Variants in FILIP1L observed in about 807,000 individuals in gnomAD.
FILIP1L encodes the protein filamin A interacting protein 1 like.
A neutral mutation model predicts 96.6 loss-of-function variants in FILIP1L; 55 were observed. The ratio of observed to expected loss-of-function variants is 0.57; its 90% confidence interval spans 0.46 to 0.71. The LOEUF is 0.71. Among genes scored for constraint, FILIP1L ranks in the 30% least tolerant of loss-of-function variants. The pLI, the probability that FILIP1L is intolerant of heterozygous loss-of-function variation, is 0.00. For synonymous variants in FILIP1L, 467 were observed against 473.9 expected, an observed-to-expected ratio of 0.99 and a Z score of 0.19; for missense variants, 1,304 against 1,321.2, an observed-to-expected ratio of 0.99 and a Z score of 0.20.
At chr3:99,911,448 C>T (rs1706784493) in intron 4 of FILIP1L, among the ~76,000 whole-genome samples, 2 of 151,890 alleles carry the variant, frequency 1.3e-5, no homozygotes, top group African/African-American at 4.8e-5. Flanking sequence ...AACAACTTGC[C>T]AGTGGTGGGT....
At chr3:99,992,933 A>G (rs753308514) in intron 1 of FILIP1L, among the ~76,000 whole-genome samples, 1 of 151,858 alleles carries the variant, frequency 6.6e-6, no homozygotes, top group Non-Finnish European at 1.5e-5. Flanking sequence ...TCATTTCCTA[A>G]TGTATATTTT....
chr3:99,962,636 A>G (rs1461150053), intron 1 of FILIP1L, among the ~76,000 whole-genome samples: 1 of 152,250 alleles, frequency 6.6e-6, no homozygotes, highest in Non-Finnish European at 1.5e-5. Context: ...TAACAACAAC[A>G]ACAGCAACAA....
rs1334281601 is a variant in FILIP1L, at chr3:99,849,950, C to T, written c.1726G>A (p.Glu576Lys). 1.2e-6 allele frequency: 2 copies of T among 1,612,816 alleles called. No homozygotes were observed. Among genetic ancestry groups the T allele is most frequent in the African/African-American group, 2.7e-5 (2 of 74,834 alleles). ...DLKNKLKAEE[E>K]KGNDLLSRVN... is the part of the protein sequence containing the mutation. ...CTTGACAGGAGATCATTTCCTTTCT[C>T]TTCTTCCGCTTTCAATTTGTTTTTT... is the stretch of plus-strand genomic sequence containing the variant. Residue 576 changes from glutamate (E) to lysine (K), a missense_variant, in exon 5 of 6, where the codon GAG becomes AAG. Transcript: ENST00000477258.
At chr3:99,969,110 C>G (rs561868737) in intron 1 of FILIP1L, among the ~76,000 whole-genome samples, 2 of 151,960 alleles carry the variant, frequency 1.3e-5, no homozygotes, top group South Asian at 4.2e-4. Context: ...AAAAGGGGGG[C>G]CATGTGTGGA....
intron 1 of FILIP1L, among the ~76,000 whole-genome samples, chr3:100,010,794 T>G (rs953551420): frequency 6.8e-6 from 1 of 146,350 alleles, no homozygotes; most frequent in Non-Finnish European, 1.5e-5. Context: ...TTTTTTTTTT[T>G]TTTTTGTATT....
At chr3:99,973,571 A>C (rs908962638) in intron 1 of FILIP1L, among the ~76,000 whole-genome samples, 1 of 152,216 alleles carries the variant, frequency 6.6e-6, no homozygotes, top group African/African-American at 2.4e-5. Context: ...ATTTCATGAA[A>C]GTTATCAACA....
At chr3:100,032,261 G>T (rs577814531) in intron 1 of FILIP1L, among the ~76,000 whole-genome samples, 2 of 152,286 alleles carry the variant, frequency 1.3e-5, no homozygotes, top group African/African-American at 4.8e-5. Flanking sequence ...GTTGGCCCTT[G>T]ATTCTGTTTT....
intron 1 of FILIP1L, among the ~76,000 whole-genome samples, chr3:100,091,494 G>T (rs2066109273): frequency 6.6e-6 from 1 of 152,212 alleles, no homozygotes. Flanking sequence ...GATGCATGCT[G>T]ATAAATGCTT....
At chr3:99,888,084 G>T (rs2107611022) in intron 4 of FILIP1L, among the ~76,000 whole-genome samples, 1 of 152,222 alleles carries the variant, frequency 6.6e-6, no homozygotes, top group Non-Finnish European at 1.5e-5. Context: ...ACTATCTTCG[G>T]ACAATTGGTG....
rs150747691 is a variant in FILIP1L at position 99,947,285 on chromosome 3, TC to T, written c.-10-16256del. 8.8e-3 allele frequency among the ~76,000 whole-genome samples: 1,333 copies of T among 152,334 alleles called. 20 individuals carry two copies. The highest frequency in any genetic ancestry group is 0.027 in the African/African-American group (1,102 of 41,570). On this transcript the variant is annotated intron_variant, in intron 1 of 5. Coordinates refer to ENST00000477258, the MANE Select transcript of FILIP1L (RefSeq NM_001387850.1). ...GTATAGTTTCCCATAGACTTTCTTA[TC>T]TTTGTATCTGTTATACTATACATAT...
chr3:100,047,975 A>G (rs2065304851), intron 1 of FILIP1L, among the ~76,000 whole-genome samples: 1 of 152,172 alleles, frequency 6.6e-6, no homozygotes, highest in Admixed American at 6.5e-5. Flanking sequence ...TCCCTCCTAT[A>G]GTGTAAATAT....
At chr3:100,055,418 G>A (rs562785381) in intron 1 of FILIP1L, among the ~76,000 whole-genome samples, 1 of 152,172 alleles carries the variant, frequency 6.6e-6, no homozygotes, top group Non-Finnish European at 1.5e-5. Flanking sequence ...AAATTCCTAG[G>A]ACATGTTATC....
At chr3:100,078,632 T>C (rs1266560553) in intron 1 of FILIP1L, among the ~76,000 whole-genome samples, 1 of 152,106 alleles carries the variant, frequency 6.6e-6, no homozygotes, top group African/African-American at 2.4e-5. Flanking sequence ...CTCGCTGGCC[T>C]GTAATCCCAG....
intron 4 of FILIP1L, among the ~76,000 whole-genome samples, chr3:99,864,256 C>G (rs1273998063): frequency 6.6e-6 from 1 of 152,064 alleles, no homozygotes; most frequent in East Asian, 1.9e-4. Flanking sequence ...CAGATTAATA[C>G]TATGCAAGGC....
intron 1 of FILIP1L, among the ~76,000 whole-genome samples, chr3:99,956,677 C>G (rs1049976939): frequency 1.3e-5 from 2 of 152,190 alleles, no homozygotes; most frequent in African/African-American, 4.8e-5. Context: ...TCATAAGCAT[C>G]GCCTCTTAAA....
chr3:99,933,379 A>G (rs181841494), intron 1 of FILIP1L, among the ~76,000 whole-genome samples: 5 of 152,324 alleles, frequency 3.3e-5, no homozygotes. Context: ...AAGGCATAGA[A>G]GGGATATTTT....
At chr3:100,072,795 G>T (rs970754344) in intron 1 of FILIP1L, among the ~76,000 whole-genome samples, 6 of 152,150 alleles carry the variant, frequency 3.9e-5, no homozygotes, top group African/African-American at 1.4e-4. Context: ...AAGAACAGAG[G>T]TTCTCAAATT....
At position 99,850,330 on chromosome 3, in the gene FILIP1L, T is replaced by G; in HGVS notation, c.1346A>C (p.Glu449Ala). The change falls in exon 5 of 6, where the codon GAA (glutamate) becomes GCA (alanine). Residue 449 changes from glutamate to alanine, a missense_variant. By Grantham distance (107) the Glu-to-Ala change is moderately radical (BLOSUM62 -1). Coordinates refer to ENST00000477258, the MANE Select transcript of FILIP1L (RefSeq NM_001387850.1). ...CTGCTTTGTGGTCATCCTTTCTTTT[T>G]CTAAATTGCATTTCAGAGAGTAGCA... is the stretch of plus-strand genomic sequence containing the variant. ...QECYSLKCNL[E>A]KERMTTKQLS... 6.2e-7 allele frequency: 1 copy of G among 1,613,064 alleles called. No individual in the cohort carries two copies. Among genetic ancestry groups the G allele is most frequent in the Non-Finnish European group, 8.5e-7 (1 of 1,179,858 alleles).
At chr3:100,011,036 A>G (rs948574541) in intron 1 of FILIP1L, among the ~76,000 whole-genome samples, 2 of 152,146 alleles carry the variant, frequency 1.3e-5, no homozygotes, top group African/African-American at 4.8e-5. Context: ...GTACAAACCC[A>G]GGATTCTGTG....
Sources: gnomAD v4.1 joint callset for allele counts (sites outside exome capture counted in the v4.1 genomes callset) on GRCh38, gnomAD v4.1.1 for gene constraint, MANE v1.5 for transcripts, NCBI Gene and HGNC (gene_info 2026-07-23, HGNC 2026-07-21) for gene names.